PDZRN3: variants seen among roughly 807,000 people sequenced by gnomAD.
The protein encoded by PDZRN3 is E3 ubiquitin-protein ligase PDZRN3.
In PDZRN3, 38 loss-of-function variants were observed where a neutral mutation model predicts 85.7. The observed-to-expected ratio is 0.44, with a 90% CI of 0.34 to 0.58. The LOEUF is 0.58. PDZRN3 is among the 20% of genes least tolerant of loss of function. The pLI is 0.01. For synonymous variants in PDZRN3, 759 were observed against 638.0 expected (o/e 1.19, Z -2.86); for missense variants, 1,629 against 1,506.4 (o/e 1.08, Z -1.35).
intron 3 of PDZRN3, among the ~76,000 whole-genome samples, chr3:73,421,211 C>T (rs1395162700): frequency 2.0e-5 from 3 of 152,184 alleles, no homozygotes; most frequent in Non-Finnish European, 4.4e-5. Context: ...CAGATACACT[C>T]ACACACACAT....
chr3:73,573,254 A>G (rs1192663266), intron 3 of PDZRN3, among the ~76,000 whole-genome samples: 1 of 152,188 alleles, frequency 6.6e-6, no homozygotes, highest in African/African-American at 2.4e-5. Flanking sequence ...AAGACAGAGT[A>G]TATATAAAGC....
intron 1 of PDZRN3, among the ~76,000 whole-genome samples, chr3:73,613,705 T>C (rs1318740921): frequency 6.6e-6 from 1 of 152,130 alleles, no homozygotes; most frequent in East Asian, 1.9e-4. Context: ...ACCCCGACCC[T>C]GAAGACTGAG....
intron 3 of PDZRN3, among the ~76,000 whole-genome samples, chr3:73,589,188 T>C (rs1702319635): frequency 6.6e-6 from 1 of 151,994 alleles, no homozygotes. Context: ...GGGACACTTT[T>C]GGTTTGTATT....
rs143973550 is a variant in PDZRN3 at position 73,438,886 on chromosome 3, G to A, written c.919-34491C>T. 3.7e-4 allele frequency among the ~76,000 whole-genome samples: 56 copies of A among 152,302 alleles called. 1 individual carries two copies. The East Asian group carries it at 7.5e-3, about 20-fold the overall frequency. On this transcript the variant is annotated intron_variant, in intron 3 of 9. Coordinates refer to ENST00000263666, the MANE Select transcript of PDZRN3 (RefSeq NM_015009.3). ...CCTCATCTGCGTCCTCTGGACATGC[G>A]TGCTGTTTTCTGGCAGTGCTGAATG...
rs1374318156 is a variant in PDZRN3 at position 73,388,162 on chromosome 3, T to C, written c.1417-93A>G. 2.0e-5 allele frequency: 13 copies of C among 655,698 alleles called. No individual in the cohort carries two copies. The East Asian group carries it at 2.9e-4, about 15-fold the overall frequency. The allele number at this position is 655,698 out of a possible 1,614,324, so 40.6% of individuals were successfully genotyped here. On this transcript the variant is annotated intron_variant, in intron 7 of 9. Coordinates refer to ENST00000263666, the MANE Select transcript of PDZRN3 (RefSeq NM_015009.3). Reference sequence around the variant, plus strand: ...ATTCTATTTTATTTCAGACCTGCATTTGTCACCCACTCACAGTTAGAACAT... The same window carrying C: ...ATTCTATTTTATTTCAGACCTGCATCTGTCACCCACTCACAGTTAGAACAT...
intron 3 of PDZRN3, among the ~76,000 whole-genome samples, chr3:73,468,822 G>A (rs1414294448): frequency 6.6e-6 from 1 of 152,104 alleles, no homozygotes; most frequent in African/African-American, 2.4e-5. Context: ...CTTACCAGCT[G>A]AATAAACTTG....
chr3:73,424,458 G>A (rs867782851), intron 3 of PDZRN3, among the ~76,000 whole-genome samples: 11 of 147,740 alleles, frequency 7.4e-5, no homozygotes, highest in Non-Finnish European at 1.0e-4. Flanking sequence ...GGAGAATGGC[G>A]TGAACCCGGG....
At chr3:73,453,777 T>C (rs145558975) in intron 3 of PDZRN3, among the ~76,000 whole-genome samples, 91 of 152,322 alleles carry the variant, frequency 6.0e-4, no homozygotes, top group African/African-American at 2.0e-3. Flanking sequence ...ACACAGACAA[T>C]TGATCTCCGT....
intron 3 of PDZRN3, among the ~76,000 whole-genome samples, chr3:73,430,737 G>A (rs906502373): frequency 6.6e-6 from 1 of 152,054 alleles, no homozygotes; most frequent in African/African-American, 2.4e-5. Context: ...CTGGATTCCA[G>A]CCACAGCCCA....
intron 3 of PDZRN3, among the ~76,000 whole-genome samples, chr3:73,466,237 G>A (rs185518968): frequency 6.6e-6 from 1 of 151,604 alleles, no homozygotes; most frequent in African/African-American, 2.4e-5. Context: ...TTGACATATG[G>A]TATCCTATCT....
intron 3 of PDZRN3, among the ~76,000 whole-genome samples, chr3:73,549,318 CTCTTT>C (rs1221908575): frequency 1.3e-5 from 2 of 152,134 alleles, no homozygotes; most frequent in Non-Finnish European, 2.9e-5. Context: ...ATAGAATAGG[CTCTTT>C]TCTTCTCTAC....
At chr3:73,545,520 A>G (rs966436345) in intron 3 of PDZRN3, among the ~76,000 whole-genome samples, 1 of 152,228 alleles carries the variant, frequency 6.6e-6, no homozygotes, top group African/African-American at 2.4e-5. Context: ...CATAACAGCA[A>G]TTCTGGGTAT....
chr3:73,384,008 T>C lies in PDZRN3; in HGVS notation c.2558A>G (p.Gln853Arg), dbSNP rs758345033. ...SDGSRSPTPS[Q>R]KLGSAYLPSY... ...GGGCAGGTAGGCGCTGCCCAGCTTCTGGCTGGGCGTGGGGCTCCGGCTCCC... is the reference window on the plus strand; with the variant it reads ...GGGCAGGTAGGCGCTGCCCAGCTTCCGGCTGGGCGTGGGGCTCCGGCTCCC... Residue 853 changes from glutamine (Q) to arginine (R), a missense_variant, in exon 10 of 10, where the codon CAG becomes CGG. Physicochemically the swap from Gln to Arg is conservative, Grantham distance 43. Coordinates refer to ENST00000263666, the MANE Select transcript of PDZRN3 (RefSeq NM_015009.3). 5.0e-6 allele frequency: 8 copies of C among 1,589,408 alleles called. 1 individual carries two copies. In the South Asian group the frequency reaches 9.2e-5, roughly 18 times the overall value.
intron 1 of PDZRN3, among the ~76,000 whole-genome samples, chr3:73,613,284 G>C (rs1332827483): frequency 6.6e-6 from 1 of 152,140 alleles, no homozygotes; most frequent in Non-Finnish European, 1.5e-5. Context: ...ATATGACAGG[G>C]AGATGATACT....
At chr3:73,518,485 T>C (rs1704293298) in intron 3 of PDZRN3, among the ~76,000 whole-genome samples, 2 of 152,052 alleles carry the variant, frequency 1.3e-5, no homozygotes, top group Admixed American at 6.6e-5. Flanking sequence ...CACTTAAAAA[T>C]GGTTAAGGTG....
At chr3:73,404,574 G>C in intron 3 of PDZRN3, 179 bp from the exon 4 acceptor site, 1 of 606,618 alleles carries the variant, frequency 1.6e-6, no homozygotes, top group Non-Finnish European at 2.9e-6. Context: ...GAAAGAGAGT[G>C]AGTTTGGAGG....
chr3:73,389,701 T>G lies in PDZRN3; in HGVS notation c.1416+115A>C, dbSNP rs150911399. 1.3e-4 allele frequency: 101 copies of G among 768,820 alleles called. No individual in the cohort carries two copies. In the East Asian group the frequency reaches 2.4e-3, roughly 18 times the overall value. 47.6% of individuals were successfully genotyped at this position (768,820 alleles called of 1,614,324 possible). ...TCTGGCCTCACTACACATCTGCGTT[T>G]GTGATCCCTGTTCTTTAACCGCTTC... On this transcript the variant is annotated intron_variant, in intron 7 of 9. Coordinates refer to ENST00000263666, the MANE Select transcript of PDZRN3 (RefSeq NM_015009.3).
At chr3:73,602,562 A>C in intron 2 of PDZRN3, 101 bp from the exon 3 acceptor site, 1 of 686,872 alleles carries the variant, frequency 1.5e-6, no homozygotes, top group East Asian at 2.5e-5. Flanking sequence ...TTGCTGTGTC[A>C]AGAGTGGCAA....
chr3:73,535,371 T>A (rs761783462), intron 3 of PDZRN3, among the ~76,000 whole-genome samples: 5 of 152,122 alleles, frequency 3.3e-5, no homozygotes, highest in African/African-American at 1.2e-4. Flanking sequence ...GATATGCAAA[T>A]AAGGACTTGG....
Sources: gnomAD v4.1 joint callset for allele counts (sites outside exome capture counted in the v4.1 genomes callset) on GRCh38, gnomAD v4.1.1 for gene constraint, MANE v1.5 for transcripts, NCBI Gene and HGNC (gene_info 2026-07-23, HGNC 2026-07-21) for gene names.